DNAJC1: variants seen among roughly 807,000 people sequenced by gnomAD.
The protein encoded by DNAJC1 is dnaJ homolog subfamily C member 1.
A neutral mutation model predicts 76.6 loss-of-function variants in DNAJC1; 58 were observed. That is an observed-to-expected ratio of 0.76 (90% confidence interval 0.61 to 0.94). DNAJC1 has a LOEUF of 0.94. Ranked by LOEUF, DNAJC1 falls within the 40% of genes least tolerant of loss-of-function variation. The pLI is 0.00. For synonymous variants in DNAJC1, 258 were observed against 267.9 expected (o/e 0.96, Z 0.36); for missense variants, 689 against 677.3 (o/e 1.02, Z -0.19).
intron 8 of DNAJC1, among the ~76,000 whole-genome samples, chr10:21,807,285 A>AC (rs1834894378): frequency 1.3e-5 from 2 of 152,144 alleles, no homozygotes; most frequent in Admixed American, 1.3e-4. Flanking sequence ...GAGGTGAGTG[A>AC]CCCCAGGGAC....
chr10:21,947,537 C>G (rs1283808769), intron 1 of DNAJC1, among the ~76,000 whole-genome samples: 2 of 152,120 alleles, frequency 1.3e-5, no homozygotes, highest in Admixed American at 1.3e-4. Flanking sequence ...ATAACATTTT[C>G]TTTATTGTAA....
intron 9 of DNAJC1, among the ~76,000 whole-genome samples, chr10:21,778,022 T>A (rs1341226971): frequency 6.6e-6 from 1 of 152,140 alleles, no homozygotes; most frequent in Non-Finnish European, 1.5e-5. Flanking sequence ...ACCACACCTC[T>A]ATTAAAAAAT....
chr10:22,001,061 T>G (rs1838511123), intron 1 of DNAJC1, among the ~76,000 whole-genome samples: 1 of 152,240 alleles, frequency 6.6e-6, no homozygotes, highest in African/African-American at 2.4e-5. Context: ...ACTGTCTGTT[T>G]CTCCCTACTG....
chr10:21,992,161 AT>A (rs1375680200), intron 1 of DNAJC1, among the ~76,000 whole-genome samples: 1 of 152,210 alleles, frequency 6.6e-6, no homozygotes, highest in Non-Finnish European at 1.5e-5. Context: ...AAATGCAAAA[AT>A]TAGCTGGGTG....
At chr10:21,976,926 G>A (rs969021324) in intron 1 of DNAJC1, among the ~76,000 whole-genome samples, 8 of 151,956 alleles carry the variant, frequency 5.3e-5, no homozygotes, top group African/African-American at 7.3e-5. Flanking sequence ...CTTTTCTTCC[G>A]TAACAACAAC....
intron 9 of DNAJC1, among the ~76,000 whole-genome samples, chr10:21,795,087 T>G (rs1174569235): frequency 6.6e-6 from 1 of 152,062 alleles, no homozygotes; most frequent in Non-Finnish European, 1.5e-5. Flanking sequence ...AACCTATATA[T>G]AAAGAACTCT....
At chr10:21,826,695 AGTCCAATT>A (rs1835263190) in intron 8 of DNAJC1, among the ~76,000 whole-genome samples, 1 of 152,196 alleles carries the variant, frequency 6.6e-6, no homozygotes, top group African/African-American at 2.4e-5. Context: ...ATAACGTAAT[AGTCCAATT>A]TCACTCTTTT....
intron 9 of DNAJC1, among the ~76,000 whole-genome samples, chr10:21,798,787 C>G (rs1328528190): frequency 1.3e-5 from 2 of 152,218 alleles, no homozygotes; most frequent in South Asian, 2.1e-4. Context: ...TTCTCCACAG[C>G]TCCTTAGGGC....
intron 8 of DNAJC1, among the ~76,000 whole-genome samples, chr10:21,855,921 A>G (rs980585910): frequency 3.2e-4 from 49 of 152,204 alleles, no homozygotes; most frequent in African/African-American, 1.1e-3. Flanking sequence ...ACAGAATAAT[A>G]TAACAGATGA....
At chr10:21,763,869 G>A (rs1426043986) in intron 10 of DNAJC1, among the ~76,000 whole-genome samples, 2 of 152,190 alleles carry the variant, frequency 1.3e-5, no homozygotes, top group Non-Finnish European at 2.9e-5. Context: ...TGAGTGCTGT[G>A]GAAATCCCAT....
chr10:21,811,277 T>A (rs917103111), intron 8 of DNAJC1, among the ~76,000 whole-genome samples: 1 of 152,224 alleles, frequency 6.6e-6, no homozygotes, highest in Non-Finnish European at 1.5e-5. Flanking sequence ...TTGACTCTCA[T>A]AGCACCCACA....
chr10:21,806,083 T>G lies in DNAJC1; in HGVS notation c.995A>C (p.Glu332Ala). The G allele has an allele frequency of 6.2e-7, 1 of 1,612,284 alleles. No homozygotes were observed. Among genetic ancestry groups the G allele is most frequent in the East Asian group, 2.2e-5 (1 of 44,872 alleles). The change falls in exon 9 of 12, where the codon GAA (glutamate) becomes GCA (alanine). Residue 332 changes from glutamate (E) to alanine (A), a missense_variant. Transcript: ENST00000376980. Reference sequence around the variant, plus strand: ...TCTTGTCAGTTGGCTGAGGTCCTCTTCTGTCCATTCAGGTGCCTGCAAAAC... The same window carrying G: ...TCTTGTCAGTTGGCTGAGGTCCTCTGCTGTCCATTCAGGTGCCTGCAAAAC... ...TQKKQAPEWT[E>A]EDLSQLTRSM...
chr10:21,809,958 G>T (rs1312307692), intron 8 of DNAJC1, among the ~76,000 whole-genome samples: 1 of 151,580 alleles, frequency 6.6e-6, no homozygotes, highest in African/African-American at 2.4e-5. Flanking sequence ...GTGTATGTGT[G>T]TGGCGGGGTG....
chr10:21,917,228 T>C (rs1315798820), intron 6 of DNAJC1, among the ~76,000 whole-genome samples: 1 of 152,090 alleles, frequency 6.6e-6, no homozygotes, highest in East Asian at 1.9e-4. Flanking sequence ...ATCAATCTAT[T>C]ACATGAATTA....
intron 6 of DNAJC1, among the ~76,000 whole-genome samples, chr10:21,911,753 G>A (rs933949773): frequency 6.6e-6 from 1 of 152,154 alleles, no homozygotes; most frequent in Non-Finnish European, 1.5e-5. Flanking sequence ...ATGATGGTGA[G>A]ATAGTGATAT....
rs533759631 is a variant in DNAJC1 at position 21,856,807 on chromosome 10, G to A, written c.978+25475C>T. On this transcript the variant is annotated intron_variant, in intron 8 of 11. Coordinates refer to ENST00000376980, the MANE Select transcript of DNAJC1 (RefSeq NM_022365.4). ...GCTGGAGTGCAATGGCGCTATCTCG[G>A]CTCACTGCCACCTCTGCCTCCGGAG... Among the ~76,000 whole-genome samples the A allele has an allele frequency of 5.3e-5, 8 of 152,080 alleles. No homozygotes were observed. The South Asian group carries it at 1.7e-3, about 32-fold the overall frequency.
intron 9 of DNAJC1, among the ~76,000 whole-genome samples, chr10:21,790,026 A>AAAAAAAAAAAAAAAAAAAAAAG (rs1564788584): frequency 8.0e-5 from 12 of 149,526 alleles, no homozygotes; most frequent in African/African-American, 3.0e-4. Flanking sequence ...AAAAAAAAAA[A>AAAAAAAAAAAAAAAAAAAAAAG]AAAAAAAAAA....
intron 8 of DNAJC1, among the ~76,000 whole-genome samples, chr10:21,813,370 C>G (rs1835020983): frequency 6.9e-6 from 1 of 145,588 alleles, no homozygotes; most frequent in Non-Finnish European, 1.5e-5. Flanking sequence ...TTGTCTCCCT[C>G]AAGGTCAAAG....
chr10:21,915,901 G>C (rs1295904301), intron 6 of DNAJC1, among the ~76,000 whole-genome samples: 2 of 150,772 alleles, frequency 1.3e-5, no homozygotes, highest in East Asian at 3.9e-4. Context: ...CCAGCTACTT[G>C]GAAGGCTGAG....
Sources: gnomAD v4.1 joint callset for allele counts (sites outside exome capture counted in the v4.1 genomes callset) on GRCh38, gnomAD v4.1.1 for gene constraint, MANE v1.5 for transcripts, NCBI Gene and HGNC (gene_info 2026-07-23, HGNC 2026-07-21) for gene names.